XIRP2: variants seen among roughly 807,000 people sequenced by gnomAD.
The protein encoded by XIRP2 is xin actin binding repeat containing 2.
XIRP2 carries 236 observed loss-of-function variants against 277.0 expected under a neutral mutation model. That is an observed-to-expected ratio of 0.85 (90% CI 0.77 to 0.95). The LOEUF is 0.95. Among genes scored for constraint, XIRP2 ranks in the 40% least tolerant of loss-of-function variants. The pLI is 0.00. For synonymous variants in XIRP2, 1,490 were observed against 1,416.5 expected (o/e 1.05, Z -1.17); for missense variants, 4,640 against 4,157.5 (o/e 1.12, Z -3.19).
intron 2 of XIRP2, among the ~76,000 whole-genome samples, chr2:167,082,166 A>C (rs1409437232): frequency 1.2e-4 from 18 of 146,146 alleles, no homozygotes; most frequent in Middle Eastern, 3.8e-3. Context: ...TCATTGTTCA[A>C]TTCCCACCTG....
At chr2:167,085,713 C>G (rs1689919562) in intron 2 of XIRP2, among the ~76,000 whole-genome samples, 1 of 151,706 alleles carries the variant, frequency 6.6e-6, no homozygotes, top group African/African-American at 2.4e-5. Flanking sequence ...TTCTTTGTCT[C>G]TTTTGATCTT....
At position 167,187,436 on chromosome 2, in the gene XIRP2, C is replaced by T. The variant is rs916450948; in HGVS notation, c.563-23299C>T. 4.1e-6 allele frequency: 4 copies of T among 985,182 alleles called. No homozygotes were observed. The African/African-American group carries it at 7.0e-5, about 17-fold the overall frequency. The allele number at this position is 985,182 out of a possible 1,614,324, so 61.0% of individuals were successfully genotyped here. A position where few individuals can be genotyped will look rare whatever the true frequency, so the allele number is the denominator to read the frequency against. On this transcript the variant is annotated intron_variant, in intron 3 of 10. Transcript: ENST00000409195. ...TGCTTTCAGGGGACTGGGAAATTGG[C>T]TGTACATGAAACAAGGGAGGAAGCT...
rs555062039 is a variant in XIRP2 at position 167,048,165 on chromosome 2, G to A, written c.409-87744G>A. 5.3e-5 allele frequency among the ~76,000 whole-genome samples: 8 copies of A among 151,948 alleles called. No individual in the cohort carries two copies. The East Asian group carries it at 1.4e-3, about 26-fold the overall frequency. On this transcript the variant is annotated intron_variant, in intron 2 of 10. Transcript: ENST00000409195. ...TACAAGTAATAGATGCATCTACTGTGGTCAATATATCTCTTATGCATATTC... is the reference window on the plus strand; with the variant it reads ...TACAAGTAATAGATGCATCTACTGTAGTCAATATATCTCTTATGCATATTC...
At chr2:166,933,171 CAG>C (rs948527599) in intron 2 of XIRP2, among the ~76,000 whole-genome samples, 5 of 148,862 alleles carry the variant, frequency 3.4e-5, no homozygotes, top group Non-Finnish European at 7.4e-5. Flanking sequence ...TTTTTTGAGA[CAG>C]AGACTTGCTC....
chr2:166,897,571 T>C (rs1238414877), intron 1 of XIRP2, among the ~76,000 whole-genome samples: 4 of 152,046 alleles, frequency 2.6e-5, no homozygotes, highest in African/African-American at 9.7e-5. Flanking sequence ...TATAAAGAAT[T>C]AACAACTATG....
At chr2:167,022,472 A>C (rs917491824) in intron 2 of XIRP2, among the ~76,000 whole-genome samples, 1 of 152,128 alleles carries the variant, frequency 6.6e-6, no homozygotes, top group African/African-American at 2.4e-5. Flanking sequence ...ATTATACTTT[A>C]AGTTTTAGGG....
chr2:167,150,478 A>AG (rs1691985348), intron 3 of XIRP2, among the ~76,000 whole-genome samples: 1 of 144,158 alleles, frequency 6.9e-6, no homozygotes, highest in African/African-American at 2.8e-5. Flanking sequence ...TGGTTTTATT[A>AG]GAAAAAAATG....
At chr2:166,923,739 T>G (rs1188750039) in intron 2 of XIRP2, among the ~76,000 whole-genome samples, 1 of 152,148 alleles carries the variant, frequency 6.6e-6, no homozygotes, top group Admixed American at 6.6e-5. Context: ...TTTTTTCTAC[T>G]GTCAGTTTGC....
intron 2 of XIRP2, among the ~76,000 whole-genome samples, chr2:166,918,220 T>A (rs1170168941): frequency 6.6e-6 from 1 of 152,194 alleles, no homozygotes; most frequent in East Asian, 1.9e-4. Flanking sequence ...TGGAAAATAT[T>A]CCTGTGTTAA....
chr2:167,031,985 C>T (rs891545177), intron 2 of XIRP2, among the ~76,000 whole-genome samples: 3 of 152,038 alleles, frequency 2.0e-5, no homozygotes, highest in African/African-American at 7.2e-5. Flanking sequence ...AAAAAGAGCC[C>T]ATATAGCCAA....
At chr2:166,950,304 G>A (rs902838594) in intron 2 of XIRP2, among the ~76,000 whole-genome samples, 1 of 152,000 alleles carries the variant, frequency 6.6e-6, no homozygotes, top group African/African-American at 2.4e-5. Context: ...TCAAGTACTT[G>A]TTGTCACTGA....
chr2:167,210,285 G>T (rs1472424815), intron 3 of XIRP2, among the ~76,000 whole-genome samples: 1 of 152,164 alleles, frequency 6.6e-6, no homozygotes, highest in African/African-American at 2.4e-5. Flanking sequence ...TCTGCCGCTT[G>T]TTAAAGGTGT....
chr2:166,898,505 T>C (rs560365444), intron 1 of XIRP2, among the ~76,000 whole-genome samples: 13 of 152,146 alleles, frequency 8.5e-5, no homozygotes, highest in Non-Finnish European at 1.9e-4. Context: ...ACATTTTATT[T>C]TGAAATAATT....
intron 2 of XIRP2, among the ~76,000 whole-genome samples, chr2:167,025,161 C>T (rs1204167441): frequency 2.0e-5 from 3 of 152,150 alleles, no homozygotes; most frequent in Non-Finnish European, 4.4e-5. Flanking sequence ...AGAGATTCAA[C>T]TTCTTCCTGG....
chr2:166,986,383 G>A (rs1574138941), intron 2 of XIRP2, among the ~76,000 whole-genome samples: 1 of 152,268 alleles, frequency 6.6e-6, no homozygotes, highest in African/African-American at 2.4e-5. Flanking sequence ...AGTGTTTTGA[G>A]TTCCTTCAAC....
At chr2:167,178,922 A>G (rs1435225504) in intron 3 of XIRP2, among the ~76,000 whole-genome samples, 1 of 152,192 alleles carries the variant, frequency 6.6e-6, no homozygotes, top group Non-Finnish European at 1.5e-5. Flanking sequence ...TTCTCAGTGA[A>G]AGAATGTATG....
intron 2 of XIRP2, among the ~76,000 whole-genome samples, chr2:166,914,139 G>A (rs553319451): frequency 1.1e-4 from 16 of 152,240 alleles, no homozygotes; most frequent in Admixed American, 2.6e-4. Flanking sequence ...TGAGAGAGTC[G>A]GAGGAGTTAT....
At chr2:167,046,476 T>C (rs977618720) in intron 2 of XIRP2, among the ~76,000 whole-genome samples, 1 of 151,774 alleles carries the variant, frequency 6.6e-6, no homozygotes, top group Non-Finnish European at 1.5e-5. Context: ...CATGTATGCA[T>C]GCTCATCACA....
At position 167,244,784 on chromosome 2, in the gene XIRP2, T is replaced by G. The variant is rs199992905; in HGVS notation, c.3392T>G (p.Phe1131Cys). 155 of 1,613,466 alleles carry G rather than the reference T, an allele frequency of 9.6e-5. No homozygotes were observed. The highest frequency in any genetic ancestry group is 1.2e-4 in the Non-Finnish European group (137 of 1,179,752). The part of the protein sequence containing the change: ...KGDVKTCTWL[F>C]ETQPLDTIKD... ...GATGTCAAAACTTGTACTTGGCTCT[T>G]TGAAACTCAGCCACTTGATACCATA... Residue 1131 changes from phenylalanine to cysteine, a missense_variant, in exon 9 of 11, where the codon TTT becomes TGT. By Grantham distance (205) the Phe-to-Cys change is radical. Transcript: ENST00000409195.
Sources: gnomAD v4.1 joint callset for allele counts (sites outside exome capture counted in the v4.1 genomes callset) on GRCh38, gnomAD v4.1.1 for gene constraint, MANE v1.5 for transcripts, NCBI Gene and HGNC (gene_info 2026-07-23, HGNC 2026-07-21) for gene names.